Variants in CTNNA3 observed in about 807,000 individuals in gnomAD.
CTNNA3 encodes catenin alpha 3.
CTNNA3 carries 76 observed loss-of-function variants against 95.7 expected under a neutral mutation model. The ratio of observed to expected loss-of-function variants is 0.79; its 90% CI spans 0.66 to 0.96. CTNNA3 has a LOEUF of 0.96. Ranked by LOEUF, CTNNA3 falls within the 40% of genes least tolerant of loss-of-function variation. The pLI, the probability that CTNNA3 is intolerant of heterozygous loss-of-function variation, is 0.00. For synonymous variants in CTNNA3, 431 were observed against 374.4 expected, an observed-to-expected ratio of 1.15 and a Z score of -1.74; for missense variants, 1,191 against 1,089.8, an observed-to-expected ratio of 1.09 and a Z score of -1.31.
At chr10:67,189,368 A>C (rs1344676249) in intron 6 of CTNNA3, among the ~76,000 whole-genome samples, 1 of 152,120 alleles carries the variant, frequency 6.6e-6, no homozygotes, top group African/African-American at 2.4e-5. Context: ...TCAAAATTTT[A>C]CTTTGACAGG....
chr10:66,220,052 G>A (rs2088832864), intron 13 of CTNNA3, among the ~76,000 whole-genome samples: 1 of 152,076 alleles, frequency 6.6e-6, no homozygotes, highest in Non-Finnish European at 1.5e-5. Flanking sequence ...GAACCCGGGA[G>A]GCAGAGGTTG....
In CTNNA3 at chr10:67,237,122, G is replaced by GTATATATA. The variant is rs769498914; in HGVS notation, c.580-17253_580-17252insTATATATA. Among the ~76,000 whole-genome samples, 413 of 79,580 alleles carry GTATATATA rather than the reference G, an allele frequency of 5.2e-3. 99 individuals carry two copies. The highest frequency in any genetic ancestry group is 9.1e-3 in the Non-Finnish European group (316 of 34,792). The allele number at this position is 79,580 out of a possible 152,430, so 52.2% of individuals were successfully genotyped here. A position where few individuals can be genotyped will look rare whatever the true frequency, so the allele number is the denominator to read the frequency against. ...AATGAGTGGATAAAGAAACTATGGT[G>GTATATATA]TATGTATATATATATATATATATAT... On this transcript the variant is annotated intron_variant, in intron 5 of 17. Transcript: ENST00000433211.
At chr10:66,553,880 A>G (rs7895917) in intron 10 of CTNNA3, among the ~76,000 whole-genome samples, 140,306 of 152,196 alleles carry the variant, frequency 0.92, 64,859 homozygotes, top group East Asian at 0.98. Flanking sequence ...CCTTCAATCA[A>G]TTAATCCTAT....
chr10:66,694,394 C>T (rs1478711931), intron 9 of CTNNA3, among the ~76,000 whole-genome samples: 1 of 152,116 alleles, frequency 6.6e-6, no homozygotes, highest in Non-Finnish European at 1.5e-5. Context: ...CACATACACC[C>T]TCCCAAGACG....
At chr10:67,616,859 C>T (rs559385808) in intron 2 of CTNNA3, among the ~76,000 whole-genome samples, 1 of 152,148 alleles carries the variant, frequency 6.6e-6, no homozygotes, top group South Asian at 2.1e-4. Flanking sequence ...GCTGATCTTA[C>T]CAAAATTGCA....
chr10:67,399,908 A>G (rs761881575), intron 5 of CTNNA3, among the ~76,000 whole-genome samples: 1 of 151,986 alleles, frequency 6.6e-6, no homozygotes, highest in Non-Finnish European at 1.5e-5. Flanking sequence ...TTCTATAGTT[A>G]TATTTTAATT....
chr10:65,930,550 T>C (rs2133141124), intron 17 of CTNNA3, among the ~76,000 whole-genome samples: 1 of 152,340 alleles, frequency 6.6e-6, no homozygotes, highest in Non-Finnish European at 1.5e-5. Context: ...AATGGATTTT[T>C]AGCCTGAGCA....
chr10:65,926,881 T>C (rs1484145595), intron 17 of CTNNA3, among the ~76,000 whole-genome samples: 1 of 152,188 alleles, frequency 6.6e-6, no homozygotes, highest in Non-Finnish European at 1.5e-5. Context: ...TAATTACTAA[T>C]GAAGCTCAGC....
At chr10:67,661,583 G>A (rs563093821) in intron 1 of CTNNA3, among the ~76,000 whole-genome samples, 4 of 152,158 alleles carry the variant, frequency 2.6e-5, no homozygotes, top group East Asian at 1.9e-4. Context: ...TTCAAACTTC[G>A]TGAAAATACA....
intron 1 of CTNNA3, among the ~76,000 whole-genome samples, chr10:67,751,449 AG>A (rs1472741144): frequency 6.6e-6 from 1 of 152,204 alleles, no homozygotes; most frequent in African/African-American, 2.4e-5. Context: ...AGCAAATGAC[AG>A]TTTTTTCCAC....
At chr10:67,562,945 T>C (rs957527141) in intron 3 of CTNNA3, among the ~76,000 whole-genome samples, 2 of 152,042 alleles carry the variant, frequency 1.3e-5, no homozygotes, top group African/African-American at 4.8e-5. Context: ...ATGTGAAGGA[T>C]CTCTTCAAGG....
intron 5 of CTNNA3, among the ~76,000 whole-genome samples, chr10:67,473,869 T>C (rs1404543151): frequency 6.6e-6 from 1 of 152,184 alleles, no homozygotes; most frequent in Non-Finnish European, 1.5e-5. Flanking sequence ...AATTCAAATT[T>C]AAATCTATTG....
chr10:66,972,249 C>T (rs1047470528), intron 7 of CTNNA3, among the ~76,000 whole-genome samples: 6 of 152,164 alleles, frequency 3.9e-5, no homozygotes, highest in Non-Finnish European at 7.3e-5. Context: ...CTTCATTATT[C>T]GGCTTCAGAG....
intron 5 of CTNNA3, among the ~76,000 whole-genome samples, chr10:67,360,572 A>T (rs561405393): frequency 6.6e-6 from 1 of 152,148 alleles, no homozygotes; most frequent in Non-Finnish European, 1.5e-5. Flanking sequence ...TGGGTAATTT[A>T]TAAATAAAAG....
At chr10:66,116,616 C>T (rs1288794201) in intron 13 of CTNNA3, among the ~76,000 whole-genome samples, 1 of 151,982 alleles carries the variant, frequency 6.6e-6, no homozygotes, top group Non-Finnish European at 1.5e-5. Flanking sequence ...GTAAAAGAAG[C>T]TAAATAAAAA....
intron 15 of CTNNA3, among the ~76,000 whole-genome samples, chr10:66,008,327 GA>G (rs534131290): frequency 8.5e-4 from 129 of 152,324 alleles, no homozygotes; most frequent in African/African-American, 2.6e-3. Context: ...CACTGGTGCT[GA>G]ATAACTTCTT....
intron 5 of CTNNA3, among the ~76,000 whole-genome samples, chr10:67,243,039 TC>T (rs1381463790): frequency 1.3e-5 from 2 of 152,146 alleles, no homozygotes; most frequent in Non-Finnish European, 2.9e-5. Context: ...ACAATATTTC[TC>T]CCCTGTTTTC....
intron 7 of CTNNA3, among the ~76,000 whole-genome samples, chr10:67,088,182 C>A (rs1390063902): frequency 6.6e-6 from 1 of 151,280 alleles, no homozygotes; most frequent in African/African-American, 2.4e-5. Flanking sequence ...CCTCTGTCTT[C>A]TGCTTGCTAG....
At chr10:66,318,274 A>ATG (rs749879432) in intron 12 of CTNNA3, among the ~76,000 whole-genome samples, 8 of 83,728 alleles carry the variant, frequency 9.6e-5, no homozygotes, top group Admixed American at 2.7e-4. Context: ...ATATATATAT[A>ATG]TATGTGTGTG....
Sources: allele counts gnomAD v4.1 joint callset (sites outside exome capture counted in the v4.1 genomes callset), GRCh38; gene constraint gnomAD v4.1.1; transcripts MANE v1.5; gene names NCBI Gene and HGNC (gene_info 2026-07-23, HGNC 2026-07-21).